The following CYP39A1 variants were observed in gnomAD, a reference collection of about 807,000 sequenced individuals.
The protein encoded by CYP39A1 is 24-hydroxycholesterol 7-alpha-hydroxylase.
Under a neutral mutation model 58.1 loss-of-function variants are expected in CYP39A1, and 49 were observed. The ratio of observed to expected loss-of-function variants is 0.84; its 90% confidence interval spans 0.67 to 1.07. CYP39A1 has a LOEUF of 1.07. Ranked by LOEUF, CYP39A1 falls within the 50% of genes least tolerant of loss-of-function variation. The probability of loss-of-function intolerance (pLI) is 0.00; values close to 1 mark genes in which losing one functional copy is unlikely to be tolerated. For missense variants in CYP39A1, 531 were observed against 539.4 expected, an observed-to-expected ratio of 0.98 and a Z score of 0.16; for synonymous variants, 209 against 187.6, an observed-to-expected ratio of 1.11 and a Z score of -0.93.
chr6:46,558,140 A>G (rs1770757979), intron 10 of CYP39A1, among the ~76,000 whole-genome samples: 3 of 152,132 alleles, frequency 2.0e-5, no homozygotes, highest in Non-Finnish European at 4.4e-5. Flanking sequence ...CAATGTGTTT[A>G]AAGAATAGAA....
chr6:46,572,032 A>ATGG (rs1448571199), intron 10 of CYP39A1, among the ~76,000 whole-genome samples: 1 of 152,102 alleles, frequency 6.6e-6, no homozygotes, highest in African/African-American at 2.4e-5. Context: ...TCATTTGCCT[A>ATGG]TGGAAACTCT....
In CYP39A1 at chr6:46,636,911, G is replaced by A. The variant is rs141320162; in HGVS notation, c.639-429C>T. ...CATTGTAGATGAATGGTCTACGTAG[G>A]CTATGGTCTGAATGTCTGTGTCTCT... On this transcript the variant is annotated intron_variant, in intron 4 of 11. Coordinates refer to ENST00000275016, the MANE Select transcript of CYP39A1 (RefSeq NM_016593.5). Among the ~76,000 whole-genome samples, 677 of 152,246 alleles carry A rather than the reference G, an allele frequency of 4.4e-3. 8 individuals carry two copies. Among genetic ancestry groups the A allele is most frequent in the African/African-American group, 0.015 (612 of 41,554 alleles).
chr6:46,584,864 T>C lies in CYP39A1; in HGVS notation c.1250+2213A>G, dbSNP rs556530337. On this transcript the variant is annotated intron_variant, in intron 10 of 11. Transcript: ENST00000275016. ...ACATATCCTTTCTCTTGAAGCTCAG[T>C]GTGACGCTTTGGCATCTCTCGACCA... 9.2e-5 allele frequency among the ~76,000 whole-genome samples: 14 copies of C among 152,272 alleles called. No individual in the cohort carries two copies. The South Asian group carries it at 2.9e-3, about 32-fold the overall frequency.
chr6:46,559,605 T>C (rs1045038439), intron 10 of CYP39A1, among the ~76,000 whole-genome samples: 1 of 152,222 alleles, frequency 6.6e-6, no homozygotes, highest in Admixed American at 6.5e-5. Context: ...GTAGCCTCAC[T>C]TTCATCCCTC....
At chr6:46,647,102 A>G (rs551079645) in intron 1 of CYP39A1, among the ~76,000 whole-genome samples, 3 of 152,040 alleles carry the variant, frequency 2.0e-5, no homozygotes, top group South Asian at 4.2e-4. Flanking sequence ...TCTGTTTATA[A>G]AAGGAGATGA....
At chr6:46,561,388 C>T (rs1192452917) in intron 10 of CYP39A1, among the ~76,000 whole-genome samples, 1 of 152,076 alleles carries the variant, frequency 6.6e-6, no homozygotes, top group East Asian at 1.9e-4. Context: ...GGCACTGCAA[C>T]AAGCGAAAAA....
chr6:46,645,923 T>C (rs1762294345), intron 1 of CYP39A1, among the ~76,000 whole-genome samples: 1 of 152,136 alleles, frequency 6.6e-6, no homozygotes, highest in Non-Finnish European at 1.5e-5. Context: ...AATGGTAATG[T>C]ATTTTTAATT....
In CYP39A1 at chr6:46,550,243, C is replaced by A; in HGVS notation, c.*123G>T. On this transcript the variant is annotated 3_prime_UTR_variant, in exon 12 of 12. Transcript: ENST00000275016. ...AACACATGCACCATTTGAATGTGTT[C>A]TTGAACTAAGTCCTAAAACAAAGTG... 1 of 672,120 alleles carries A rather than the reference C, an allele frequency of 1.5e-6. No homozygotes were observed. Among genetic ancestry groups the A allele is most frequent in the Non-Finnish European group, 2.5e-6 (1 of 398,808 alleles). 41.6% of individuals were successfully genotyped at this position (672,120 alleles called of 1,614,324 possible).
intron 5 of CYP39A1, among the ~76,000 whole-genome samples, chr6:46,635,512 G>T (rs1397723304): frequency 1.3e-5 from 2 of 152,116 alleles, no homozygotes; most frequent in South Asian, 2.1e-4. Flanking sequence ...CAAAGGTAAG[G>T]CTTGTTAAAG....
chr6:46,603,677 G>C (rs1054031658), intron 7 of CYP39A1, among the ~76,000 whole-genome samples: 1 of 152,190 alleles, frequency 6.6e-6, no homozygotes, highest in Non-Finnish European at 1.5e-5. Context: ...ATTGAGACCT[G>C]TCTCAGACAC....
intron 10 of CYP39A1, among the ~76,000 whole-genome samples, chr6:46,555,050 GACACACACACACAC>G (rs138308277): frequency 6.7e-6 from 1 of 148,390 alleles, no homozygotes; most frequent in Admixed American, 6.7e-5. Flanking sequence ...CGCAGACACA[GACACACACACACAC>G]ACACACACAC....
At chr6:46,564,989 A>G (rs1288499615) in intron 10 of CYP39A1, among the ~76,000 whole-genome samples, 1 of 152,208 alleles carries the variant, frequency 6.6e-6, no homozygotes, top group Non-Finnish European at 1.5e-5. Flanking sequence ...TCAATATGGT[A>G]GCAGGAGGCA....
At chr6:46,648,152 C>T (rs1762445032) in intron 1 of CYP39A1, among the ~76,000 whole-genome samples, 1 of 152,040 alleles carries the variant, frequency 6.6e-6, no homozygotes, top group Non-Finnish European at 1.5e-5. Context: ...CCCAGCCATC[C>T]CATTACTGGG....
At chr6:46,553,722 A>C (rs750457672) in intron 11 of CYP39A1, 45 bp downstream of exon 11, 1 of 1,322,388 alleles carries the variant, frequency 7.6e-7, no homozygotes, top group Admixed American at 1.7e-5. Flanking sequence ...TGGTTATGTC[A>C]TATTTATAAG....
intron 10 of CYP39A1, among the ~76,000 whole-genome samples, chr6:46,566,457 G>A (rs540895958): frequency 6.6e-6 from 1 of 152,212 alleles, no homozygotes; most frequent in African/African-American, 2.4e-5. Context: ...AGAAGTGTGA[G>A]CAAAGGGGGA....
intron 8 of CYP39A1, among the ~76,000 whole-genome samples, chr6:46,589,720 T>C (rs1004756283): frequency 6.6e-6 from 1 of 152,066 alleles, no homozygotes; most frequent in African/African-American, 2.4e-5. Context: ...CCATTGGAAC[T>C]GAGGCTAGAG....
At chr6:46,598,657 A>G (rs1773313901) in intron 7 of CYP39A1, among the ~76,000 whole-genome samples, 2 of 152,216 alleles carry the variant, frequency 1.3e-5, no homozygotes, top group South Asian at 4.1e-4. Context: ...TCATTGCTAA[A>G]TCAAATAGAC....
chr6:46,647,639 T>C (rs1165841732), intron 1 of CYP39A1, among the ~76,000 whole-genome samples: 1 of 152,212 alleles, frequency 6.6e-6, no homozygotes, highest in Non-Finnish European at 1.5e-5. Context: ...TCCAACAATC[T>C]ACTTAAACTA....
At chr6:46,593,673 A>T (rs1003608635) in intron 8 of CYP39A1, among the ~76,000 whole-genome samples, 2 of 152,224 alleles carry the variant, frequency 1.3e-5, no homozygotes, top group South Asian at 4.2e-4. Flanking sequence ...GAATCCAAGC[A>T]CTCTCAAGCT....
Sources: allele counts gnomAD v4.1 joint callset (sites outside exome capture counted in the v4.1 genomes callset), GRCh38; gene constraint gnomAD v4.1.1; transcripts MANE v1.5; gene names NCBI Gene and HGNC (gene_info 2026-07-23, HGNC 2026-07-21).